NES: variants seen among roughly 807,000 people sequenced by gnomAD.
The protein encoded by NES is nestin.
Under a neutral mutation model 35.6 loss-of-function variants are expected in NES, and 27 were observed. The observed-to-expected ratio is 0.76, with a 90% CI of 0.56 to 1.04. NES has a LOEUF of 1.04. Ranked by LOEUF, NES falls within the 50% of genes least tolerant of loss-of-function variation. The pLI is 0.00. For synonymous variants in NES, 822 were observed against 824.2 expected, an observed-to-expected ratio of 1.00 and a Z score of 0.04; for missense variants, 1,867 against 1,983.6, an observed-to-expected ratio of 0.94 and a Z score of 1.12.
At position 156,677,271 on chromosome 1, in the gene NES, C is replaced by T. The variant is rs1558001039; in HGVS notation, c.-7G>A. On this transcript the variant is annotated 5_prime_UTR_variant, in exon 1 of 4. Coordinates refer to ENST00000368223, the MANE Select transcript of NES (RefSeq NM_006617.2). This position sits in a 1 kb window ranked among gnomAD's most constrained non-coding sequence, Gnocchi z 4.5. The stretch of plus-strand genomic sequence containing the variant: ...CCCCCATGCAGCCCTCCATCCTGCT[C>T]GTCTGACCCACTGAGGATGGACAGA... 4 of 1,607,696 alleles carry T rather than the reference C, an allele frequency of 2.5e-6. No individual in the cohort carries two copies. The highest frequency in any genetic ancestry group is 2.2e-5 in the East Asian group (1 of 44,510).
Position 156,676,697 on chromosome 1 carries a change from C to G in NES, c.568G>C (p.Val190Leu), listed in dbSNP as rs867935789. The G allele has an allele frequency of 1.1e-5, 16 of 1,460,980 alleles. No homozygotes were observed. Among genetic ancestry groups the G allele is most frequent in the Non-Finnish European group, 1.3e-5 (15 of 1,118,528 alleles). The allele number at this position is 1,460,980 out of a possible 1,614,324, so 90.5% of individuals were successfully genotyped here. A position where few individuals can be genotyped will look rare whatever the true frequency, so the allele number is the denominator to read the frequency against. ...GCCACGCGCTCCTGGTAGCCGCGCACTGCCCCGCGCCACGCCTCGCCCAGT... is the reference window on the plus strand; with the variant it reads ...GCCACGCGCTCCTGGTAGCCGCGCAGTGCCCCGCGCCACGCCTCGCCCAGT... The part of the protein sequence containing the change: ...RRLGEAWRGA[V>L]RGYQERVAHM... The change falls in exon 1 of 4, where the codon GTG becomes CTG. Residue 190 changes from valine (V) to leucine (L), a missense_variant. Physicochemically the swap from Val to Leu is conservative, Grantham distance 32. Transcript: ENST00000368223. The surrounding 1 kb of genome is among the most constrained non-coding windows in gnomAD (Gnocchi z 5.3).
chr1:156,676,705 C>G lies in NES; in HGVS notation c.560G>C (p.Arg187Pro). ...CTCCTGGTAGCCGCGCACTGCCCCG[C>G]GCCACGCCTCGCCCAGTCGCCTTGC... is the stretch of plus-strand genomic sequence containing the variant. ...ELARRLGEAWRGAVRGYQERV... is the reference protein window; with the variant it reads ...ELARRLGEAWPGAVRGYQERV... The change falls in exon 1 of 4, where the codon CGC (arginine) becomes CCC (proline). Residue 187 changes from arginine (R) to proline (P), a missense_variant. Transcript: ENST00000368223. The surrounding 1 kb of genome is among the most constrained non-coding windows in gnomAD (Gnocchi z 5.3). 6.9e-7 allele frequency: 1 copy of G among 1,442,904 alleles called. No homozygotes were observed. Among genetic ancestry groups the G allele is most frequent in the Non-Finnish European group, 9.0e-7 (1 of 1,109,094 alleles). The allele number at this position is 1,442,904 out of a possible 1,614,324, so 89.4% of individuals were successfully genotyped here.
At position 156,669,414 on chromosome 1, in the gene NES, C is replaced by T. The variant is rs1183898847; in HGVS notation, c.4774G>A (p.Ala1592Thr). Residue 1592 changes from alanine to threonine, a missense_variant, in exon 4 of 4, where the codon GCA becomes ACA. Coordinates refer to ENST00000368223, the MANE Select transcript of NES (RefSeq NM_006617.2). ...TGGCCCAGGTGAACAGGAGCCCCTG[C>T]CCAAGAGGTCTTCAGAGCACTCCCC... The part of the protein sequence containing the change: ...EEGSALKTSW[A>T]GAPVHLGQGQ... The T allele has an allele frequency of 5.6e-6, 9 of 1,613,414 alleles. No individual in the cohort carries two copies. In the East Asian group the frequency reaches 2.0e-4, roughly 36 times the overall value.
In NES at chr1:156,669,604, T is replaced by G; in HGVS notation, c.4584A>C (p.Pro1528=). The G allele has an allele frequency of 6.2e-7, 1 of 1,614,096 alleles. No individual in the cohort carries two copies. The highest frequency in any genetic ancestry group is 8.5e-7 in the Non-Finnish European group (1 of 1,179,978). The part of the protein sequence containing the change: ...EIPSGMEDAG[P]GADIIGVNGQ... ...CATTAACACCAATGATGTCTGCCCC[T>G]GGGCCTGCATCCTCCATCCCACTGG... The change falls in exon 4 of 4, where the codon CCA becomes CCC. Residue 1528 remains proline, a synonymous_variant. Transcript: ENST00000368223.
intron 2 of NES, among the ~76,000 whole-genome samples, chr1:156,674,531 C>T (rs924881092): frequency 3.3e-5 from 5 of 152,216 alleles, no homozygotes; most frequent in Non-Finnish European, 7.3e-5. Context: ...CCTCAGGCCC[C>T]ATCAATGGCC....
rs769763881 is a variant in NES at position 156,672,359 on chromosome 1, G to A, written c.1829C>T (p.Ala610Val). The A allele has an allele frequency of 3.1e-6, 5 of 1,612,806 alleles. No individual in the cohort carries two copies. In the South Asian group the frequency reaches 5.5e-5, roughly 18 times the overall value. Residue 610 changes from alanine (A) to valine (V), a missense_variant, in exon 4 of 4, where the codon GCT (alanine) becomes GTT (valine). Coordinates refer to ENST00000368223, the MANE Select transcript of NES (RefSeq NM_006617.2). ...TCCTGTAGGCTTAAGTTGGCCTACA[G>A]CCTCTTTTTCTAGAGGTCTCACTAC... is the stretch of plus-strand genomic sequence containing the variant. ...VEVVRPLEKE[A>V]VGQLKPTGKE...
rs763939567 is a variant in NES at position 156,669,355 on chromosome 1, T to G, written c.4833A>C (p.Gly1611=). ...GQFLKFTQRE[G]DRESWSSGED ...CCCCTGAGGACCAGGACTCTCTATC[T>G]CCTTCCCTCTGAGTGAACTTCAGGA... is the stretch of plus-strand genomic sequence containing the variant. The change falls in exon 4 of 4, where the codon GGA becomes GGC. Residue 1611 remains glycine (G), a synonymous_variant. Transcript: ENST00000368223. The G allele has an allele frequency of 1.3e-6, 2 of 1,595,534 alleles. No homozygotes were observed. Among genetic ancestry groups the G allele is most frequent in the South Asian group, 2.2e-5 (2 of 90,094 alleles).
In NES at chr1:156,677,267, T is replaced by TG; in HGVS notation, c.-4dup. On this transcript the variant is annotated 5_prime_UTR_variant, in exon 1 of 4. Coordinates refer to ENST00000368223, the MANE Select transcript of NES (RefSeq NM_006617.2). This position sits in a 1 kb window ranked among gnomAD's most constrained non-coding sequence, Gnocchi z 4.5. ...TCCTCCCCCATGCAGCCCTCCATCC[T>TG]GCTCGTCTGACCCACTGAGGATGGA... The TG allele has an allele frequency of 6.2e-7, 1 of 1,609,336 alleles. No homozygotes were observed. The highest frequency in any genetic ancestry group is 8.5e-7 in the Non-Finnish European group (1 of 1,178,744).
Position 156,672,193 on chromosome 1 carries a change from C to T in NES, c.1995G>A (p.Glu665=). 2 of 1,609,132 alleles carry T rather than the reference C, an allele frequency of 1.2e-6. No homozygotes were observed. The highest frequency in any genetic ancestry group is 1.7e-4 in the Middle Eastern group (1 of 6,022). The change falls in exon 4 of 4, where the codon GAG becomes GAA. Residue 665 remains glutamate, a synonymous_variant. Transcript: ENST00000368223. The stretch of plus-strand genomic sequence containing the variant: ...TCTCCTTTTCCAGAGCTGTCAATGA[C>T]TCTAAGTTCTCTTGCAGAGAACTTA... ...ELVSSLQENL[E]SLTALEKENQ... is the part of the protein sequence containing the mutation.
Position 156,671,531 on chromosome 1 carries a change from T to A in NES, c.2657A>T (p.Glu886Val). The A allele has an allele frequency of 6.2e-7, 1 of 1,613,986 alleles. No homozygotes were observed. The highest frequency in any genetic ancestry group is 1.1e-5 in the South Asian group (1 of 91,080). ...AGATCTCAATGATTCCTGATTCTCCTCTTCCAGGAGTCTGAATGTCTCTTG... is the reference window on the plus strand; with the variant it reads ...AGATCTCAATGATTCCTGATTCTCCACTTCCAGGAGTCTGAATGTCTCTTG... Reference protein sequence around the residue: ...VNQETFRLLEEENQESLRSLG... With the variant: ...VNQETFRLLEVENQESLRSLG... Residue 886 changes from glutamate to valine, a missense_variant, in exon 4 of 4, where the codon GAG (glutamate) becomes GTG (valine). Physicochemically the swap from Glu to Val is moderately radical, Grantham distance 121. Transcript: ENST00000368223.
chr1:156,675,328 C>T lies in NES; in HGVS notation c.796G>A (p.Ala266Thr), dbSNP rs1647239056. ...ATEKFQLAVEALEQEKQGLQS... is the reference protein window; with the variant it reads ...ATEKFQLAVETLEQEKQGLQS... ...AGGCCCTGTTTCTCCTGCTCCAGGG[C>T]CTCCACAGCCAGCTGCAGGGCAGGC... Residue 266 changes from alanine to threonine, a missense_variant, in exon 2 of 4, where the codon GCC becomes ACC. Coordinates refer to ENST00000368223, the MANE Select transcript of NES (RefSeq NM_006617.2). The T allele has an allele frequency of 3.1e-6, 5 of 1,607,904 alleles. No individual in the cohort carries two copies. In the East Asian group the frequency reaches 6.7e-5, roughly 22 times the overall value.
chr1:156,671,430 C>T lies in NES; in HGVS notation c.2758G>A (p.Glu920Lys). ...DKESQRNLEE[E>K]ENLGKGEYQE... ...TACTCTCCCTTTCCCAGGTTCTCTT[C>T]CTCTTCCAGATTCCTTTGACTTTCC... The change falls in exon 4 of 4, where the codon GAA becomes AAA. Residue 920 changes from glutamate (E) to lysine (K), a missense_variant. Glu to Lys is a moderately conservative substitution (Grantham distance 56). Transcript: ENST00000368223. The T allele has an allele frequency of 2.5e-6, 4 of 1,614,034 alleles. No individual in the cohort carries two copies. The highest frequency in any genetic ancestry group is 3.4e-6 in the Non-Finnish European group (4 of 1,180,026).
chr1:156,671,118 C>T lies in NES; in HGVS notation c.3070G>A (p.Gly1024Ser), dbSNP rs1207301640. 1 of 1,614,002 alleles carries T rather than the reference C, an allele frequency of 6.2e-7. No individual in the cohort carries two copies. Residue 1024 changes from glycine (G) to serine (S), a missense_variant, in exon 4 of 4, where the codon GGC becomes AGC. Coordinates refer to ENST00000368223, the MANE Select transcript of NES (RefSeq NM_006617.2). ...TTCACACTGGCTCCCTCAACCAGGC[C>T]TCTCTGCTCTTTGGGCTCAGGGCTC... is the stretch of plus-strand genomic sequence containing the variant. ...PESPEPKEQR[G>S]LVEGASVKGG...
chr1:156,670,859 T>TCCCCCCCCCCCCCCCCCCCCCACCC lies in NES; in HGVS notation c.3328_3329insGGGTGGGGGGGGGGGGGGGGGGGGG (p.Asp1110GlyfsTer40). 1.2e-6 allele frequency: 2 copies of TCCCCCCCCCCCCCCCCCCCCCACCC among 1,609,332 alleles called. No individual in the cohort carries two copies. Among genetic ancestry groups the TCCCCCCCCCCCCCCCCCCCCCACCC allele is most frequent in the Non-Finnish European group, 1.7e-6 (2 of 1,176,926 alleles). Reference sequence around the variant, plus strand: ...CTCTTCCCTGGTCAGATGGCCTGGGTCCCCCAGCCCTCCCACCCCCTGCCC... The same window carrying TCCCCCCCCCCCCCCCCCCCCCACCC: ...CTCTTCCCTGGTCAGATGGCCTGGGTCCCCCCCCCCCCCCCCCCCCCACCCCCCCCAGCCCTCCCACCCCCTGCCC... On this transcript the variant is annotated frameshift_variant, in exon 4 of 4. Coordinates refer to ENST00000368223, the MANE Select transcript of NES (RefSeq NM_006617.2). LOFTEE classifies it low-confidence loss of function (END_TRUNC).
chr1:156,675,358 G>A lies in NES; in HGVS notation c.784-18C>T, dbSNP rs1553241415. On this transcript the variant is annotated intron_variant, in intron 1 of 3. Coordinates refer to ENST00000368223, the MANE Select transcript of NES (RefSeq NM_006617.2). ...ACAGCCAGCTGCAGGGCAGGCGAGAGGCAGTCAGTGGAGGGGCTGGGGTCC... is the reference window on the plus strand; with the variant it reads ...ACAGCCAGCTGCAGGGCAGGCGAGAAGCAGTCAGTGGAGGGGCTGGGGTCC... 2 of 1,591,262 alleles carry A rather than the reference G, an allele frequency of 1.3e-6. No homozygotes were observed. The highest frequency in any genetic ancestry group is 1.7e-6 in the Non-Finnish European group (2 of 1,165,290).
chr1:156,673,377 G>A lies in NES; in HGVS notation c.982+77C>T, dbSNP rs569407900. On this transcript the variant is annotated intron_variant, in intron 3 of 3. Coordinates refer to ENST00000368223, the MANE Select transcript of NES (RefSeq NM_006617.2). The stretch of plus-strand genomic sequence containing the variant: ...CCACGGACTTGAAATTTAGATTGGT[G>A]CCTCTCGGGAAAGATAGGTCTGGGT... 14 of 1,432,984 alleles carry A rather than the reference G, an allele frequency of 9.8e-6. 1 individual carries two copies. In the South Asian group the frequency reaches 1.7e-4, roughly 18 times the overall value. The allele number at this position is 1,432,984 out of a possible 1,614,324, so 88.8% of individuals were successfully genotyped here.
At position 156,669,277 on chromosome 1, in the gene NES, C is replaced by T. The variant is rs867795043; in HGVS notation, c.*45G>A. The T allele has an allele frequency of 1.4e-6, 2 of 1,417,098 alleles. No homozygotes were observed. Among genetic ancestry groups the T allele is most frequent in the South Asian group, 2.9e-5 (2 of 70,030 alleles). The allele number at this position is 1,417,098 out of a possible 1,614,324, so 87.8% of individuals were successfully genotyped here. Reference sequence around the variant, plus strand: ...GAGCGGGCTTGGAGGCGTCCTTCCCCTCCCCGCACCCCTAAGTCCCCAGTG... The same window carrying T: ...GAGCGGGCTTGGAGGCGTCCTTCCCTTCCCCGCACCCCTAAGTCCCCAGTG... On this transcript the variant is annotated 3_prime_UTR_variant, in exon 4 of 4. Transcript: ENST00000368223.
Position 156,672,585 on chromosome 1 carries a change from G to T in NES, c.1603C>A (p.Gln535Lys). The part of the protein sequence containing the change: ...EEEDLNRKEI[Q>K]DSQVPLEKET... ...TTTTCCAAAGGAACCTGGGAGTCCT[G>T]GATTTCCTTCCTGTTTAGATCCTCT... is the stretch of plus-strand genomic sequence containing the variant. Residue 535 changes from glutamine (Q) to lysine (K), a missense_variant, in exon 4 of 4, where the codon CAG (glutamine) becomes AAG (lysine). By Grantham distance (53) the Gln-to-Lys change is moderately conservative. Coordinates refer to ENST00000368223, the MANE Select transcript of NES (RefSeq NM_006617.2). 1 of 1,613,774 alleles carries T rather than the reference G, an allele frequency of 6.2e-7. No individual in the cohort carries two copies.
In NES at chr1:156,672,921, G is replaced by A; in HGVS notation, c.1267C>T (p.Gln423Ter). Residue 423 changes from glutamine to a stop codon, truncating the protein, a stop_gained, in exon 4 of 4, where the codon CAG becomes TAG. Coordinates refer to ENST00000368223, the MANE Select transcript of NES (RefSeq NM_006617.2). LOFTEE classifies it low-confidence loss of function (END_TRUNC). Reference protein sequence around the residue: ...SLLQTQGGRKQAPEPLRAEAR... With the variant: ...SLLQTQGGRK The stretch of plus-strand genomic sequence containing the variant: ...TCAGCCCGCAGGGGCTCTGGAGCCT[G>A]TTTCCTCCCACCCTGTGTCTGGAGC... 6.2e-7 allele frequency: 1 copy of A among 1,614,034 alleles called. No homozygotes were observed. The highest frequency in any genetic ancestry group is 8.5e-7 in the Non-Finnish European group (1 of 1,180,020).
Sources: gnomAD v4.1 joint callset for allele counts (sites outside exome capture counted in the v4.1 genomes callset) on GRCh38, gnomAD v4.1.1 for gene constraint, Gnocchi (gnomAD v3.1) non-coding constraint, MANE v1.5 for transcripts, NCBI Gene and HGNC (gene_info 2026-07-23, HGNC 2026-07-21) for gene names.